The following CCDC3 variants were observed in gnomAD, a reference collection of about 807,000 sequenced individuals.
CCDC3 encodes the protein coiled-coil domain-containing protein 3.
A neutral mutation model predicts 21.4 loss-of-function variants in CCDC3; 24 were observed. That is an observed-to-expected ratio of 1.12 (90% CI 0.81 to 1.58). CCDC3 has a LOEUF of 1.58. Among genes scored for constraint, CCDC3 ranks in the 40% most tolerant of loss-of-function variants. CCDC3 has a pLI of 0.00. For synonymous variants in CCDC3, 186 were observed against 166.0 expected (o/e 1.12, Z -0.93); for missense variants, 425 against 360.9 (o/e 1.18, Z -1.44).
At chr10:12,985,361 A>T (rs1398758457) in intron 2 of CCDC3, among the ~76,000 whole-genome samples, 1 of 151,980 alleles carries the variant, frequency 6.6e-6, no homozygotes, top group Non-Finnish European at 1.5e-5. Context: ...TGGAAAATTA[A>T]TTTCAGGGTT....
chr10:13,029,562 G>A lies in CCDC3; in HGVS notation c.-2+20112C>T, dbSNP rs115187167. ...TTCTCCAAGCTAAAGGAGGATGTCC[G>A]AACCCATCGCAAAGAAGCTAAAAAC... On this transcript the variant is annotated intron_variant, in intron 5 of 6. Transcript: ENST00000378839. Among the ~76,000 whole-genome samples the A allele has an allele frequency of 2.8e-3, 430 of 152,218 alleles. 5 individuals carry two copies. Among genetic ancestry groups the A allele is most frequent in the African/African-American group, 1.0e-2 (415 of 41,548 alleles).
intron 2 of CCDC3, among the ~76,000 whole-genome samples, chr10:12,984,411 A>C (rs540657636): frequency 6.6e-6 from 1 of 152,176 alleles, no homozygotes; most frequent in African/African-American, 2.4e-5. Flanking sequence ...AATAACAACT[A>C]CTAGTGAAGA....
intron 2 of CCDC3, among the ~76,000 whole-genome samples, chr10:12,943,557 C>T (rs192469093): frequency 6.6e-6 from 1 of 152,334 alleles, no homozygotes; most frequent in Admixed American, 6.5e-5. Context: ...GTTCCCTCCT[C>T]CCTTTTCTTT....
At chr10:13,066,217 G>A (rs1836818484) in intron 4 of CCDC3, among the ~76,000 whole-genome samples, 1 of 151,890 alleles carries the variant, frequency 6.6e-6, no homozygotes, top group African/African-American at 2.4e-5. Context: ...GAGTACAATG[G>A]TACGATCTTG....
At chr10:12,952,637 C>T (rs542129549) in intron 2 of CCDC3, among the ~76,000 whole-genome samples, 6 of 152,216 alleles carry the variant, frequency 3.9e-5, no homozygotes, top group South Asian at 2.1e-4. Context: ...TGAACGAATC[C>T]GAATTCTCCA....
At chr10:13,027,788 T>C (rs1165403780) in intron 5 of CCDC3, among the ~76,000 whole-genome samples, 1 of 151,856 alleles carries the variant, frequency 6.6e-6, no homozygotes, top group African/African-American at 2.4e-5. Flanking sequence ...CAATACGACC[T>C]TACAAGGTGA....
intron 2 of CCDC3, among the ~76,000 whole-genome samples, chr10:12,950,948 G>T (rs1030420486): frequency 6.6e-6 from 1 of 152,212 alleles, no homozygotes; most frequent in Admixed American, 6.5e-5. Context: ...TGAGTCTGCA[G>T]TAGGGTGCGT....
At chr10:13,091,625 A>G (rs12414901) in intron 3 of CCDC3, among the ~76,000 whole-genome samples, 5,176 of 152,290 alleles carry the variant, frequency 0.034, 168 homozygotes, top group East Asian at 0.11. Context: ...CAACGCAGAA[A>G]TGTTCGCCTT....
chr10:13,006,756 G>T (rs1262113300), intron 5 of CCDC3, among the ~76,000 whole-genome samples: 2 of 152,104 alleles, frequency 1.3e-5, no homozygotes, highest in Non-Finnish European at 2.9e-5. Flanking sequence ...AGGGCACCTG[G>T]CTTACCTTTC....
chr10:12,986,308 ACT>A lies in CCDC3; in HGVS notation c.549+12028_549+12029del, dbSNP rs1224339852. 9.2e-5 allele frequency among the ~76,000 whole-genome samples: 14 copies of A among 151,970 alleles called. No homozygotes were observed. In the South Asian group the frequency reaches 1.0e-3, roughly 11 times the overall value. ...TGACTGAATACTAACATCTGAATAA[ACT>A]CTGCAGATTTCATCAGTGTCATTGC... is the stretch of plus-strand genomic sequence containing the variant. On this transcript the variant is annotated intron_variant, in intron 2 of 2. Transcript: ENST00000378825.
intron 5 of CCDC3, among the ~76,000 whole-genome samples, chr10:13,009,019 C>T (rs1835955761): frequency 6.6e-6 from 1 of 152,088 alleles, no homozygotes; most frequent in South Asian, 2.1e-4. Context: ...GATCATCTGT[C>T]TAGAAAATGC....
chr10:13,043,044 T>C (rs911570967), intron 5 of CCDC3, among the ~76,000 whole-genome samples: 35 of 152,148 alleles, frequency 2.3e-4, no homozygotes, highest in African/African-American at 8.4e-4. Context: ...ATATTGAACA[T>C]TTAAAAGGAA....
At chr10:12,936,307 G>A (rs998115532) in intron 2 of CCDC3, among the ~76,000 whole-genome samples, 4 of 151,996 alleles carry the variant, frequency 2.6e-5, no homozygotes, top group African/African-American at 4.8e-5. Flanking sequence ...CTGAGAAGTT[G>A]GATACACTTC....
Position 13,019,234 on chromosome 10 carries a change from T to TAAAA in CCDC3, c.-1-20726_-1-20723dup, listed in dbSNP as rs371384489. On this transcript the variant is annotated intron_variant, in intron 5 of 6. Coordinates refer to the CCDC3 transcript ENST00000378839. ...GGGTGAGAGAGTGAGACTCTGTCTT[T>TAAAA]AAAAAAGAAAGAAAGAAAGAAAGAA... Among the ~76,000 whole-genome samples the TAAAA allele has an allele frequency of 1.7e-3, 256 of 150,944 alleles. 1 individual carries two copies. Among genetic ancestry groups the TAAAA allele is most frequent in the Admixed American group, 3.0e-3 (45 of 15,160 alleles).
chr10:12,981,241 G>C (rs181473715), intron 2 of CCDC3, among the ~76,000 whole-genome samples: 13 of 149,226 alleles, frequency 8.7e-5, no homozygotes, highest in Admixed American at 2.0e-4. Context: ...GTGTGGTGGC[G>C]TGATCTTGGT....
intron 4 of CCDC3, among the ~76,000 whole-genome samples, chr10:13,063,535 T>G (rs189296260): frequency 4.6e-5 from 7 of 152,270 alleles, no homozygotes; most frequent in Admixed American, 4.6e-4. Flanking sequence ...ACAACAATCT[T>G]TTTATGTCTA....
upstream of CCDC3, among the ~76,000 whole-genome samples, chr10:13,004,139 C>T (rs1485965060): frequency 6.6e-6 from 1 of 152,132 alleles, no homozygotes; most frequent in Non-Finnish European, 1.5e-5. Context: ...GATTCCGAGA[C>T]CTATATGTCC....
intron 1 of CCDC3, among the ~76,000 whole-genome samples, chr10:12,998,909 TA>T (rs1396040723): frequency 1.3e-5 from 2 of 152,202 alleles, no homozygotes; most frequent in Non-Finnish European, 2.9e-5. Flanking sequence ...ACAAATGTCT[TA>T]ACTCCTCTAA....
intron 4 of CCDC3, among the ~76,000 whole-genome samples, chr10:13,063,963 C>T (rs1836793487): frequency 6.6e-6 from 1 of 151,526 alleles, no homozygotes; most frequent in African/African-American, 2.4e-5. Context: ...TTGTCTCGCT[C>T]TGTCGTCACG....
Sources: allele counts gnomAD v4.1 joint callset (sites outside exome capture counted in the v4.1 genomes callset), GRCh38; gene constraint gnomAD v4.1.1; transcripts MANE v1.5; gene names NCBI Gene and HGNC (gene_info 2026-07-23, HGNC 2026-07-21).